Variants in AFF3 observed in about 807,000 individuals in gnomAD.
AFF3 encodes the protein AF4/FMR2 family member 3.
A neutral mutation model predicts 129.7 loss-of-function variants in AFF3; 32 were observed. The observed-to-expected ratio is 0.25, with a 90% CI of 0.19 to 0.33. The LOEUF is 0.33. AFF3 is among the 10% of genes least tolerant of loss of function. The pLI, the probability that AFF3 is intolerant of heterozygous loss-of-function variation, is 1.00. For missense variants in AFF3, 1,373 were observed against 1,592.0 expected, an observed-to-expected ratio of 0.86 and a Z score of 2.34; for synonymous variants, 644 against 635.4, an observed-to-expected ratio of 1.01 and a Z score of -0.20.
chr2:99,670,575 G>A (rs1207642315), intron 12 of AFF3, among the ~76,000 whole-genome samples: 1 of 151,932 alleles, frequency 6.6e-6, no homozygotes, highest in Non-Finnish European at 1.5e-5. Flanking sequence ...CGGCTATGCT[G>A]CTTCCGGGAT....
intron 7 of AFF3, among the ~76,000 whole-genome samples, chr2:99,902,810 A>G (rs1021152537): frequency 6.6e-6 from 1 of 152,194 alleles, no homozygotes; most frequent in African/African-American, 2.4e-5. Flanking sequence ...ATCCTACATA[A>G]TGCAAACACT....
intron 7 of AFF3, among the ~76,000 whole-genome samples, chr2:99,984,700 AC>A (rs1181744867): frequency 4.6e-5 from 7 of 151,660 alleles, no homozygotes; most frequent in African/African-American, 1.7e-4. Flanking sequence ...CAACCCCCCA[AC>A]CCCATCACAA....
At chr2:99,661,267 G>A (rs1686203458) in intron 12 of AFF3, among the ~76,000 whole-genome samples, 1 of 152,214 alleles carries the variant, frequency 6.6e-6, no homozygotes, top group Non-Finnish European at 1.5e-5. Flanking sequence ...CTGTGTTTGA[G>A]AAAAGCGTGC....
intron 4 of AFF3, among the ~76,000 whole-genome samples, chr2:100,066,794 G>C (rs1687757030): frequency 6.6e-6 from 1 of 152,146 alleles, no homozygotes; most frequent in Non-Finnish European, 1.5e-5. Context: ...CATTCAAAAG[G>C]AGAACCGAAC....
At chr2:99,866,192 A>G (rs1370775238) in intron 7 of AFF3, among the ~76,000 whole-genome samples, 1 of 152,230 alleles carries the variant, frequency 6.6e-6, no homozygotes, top group Non-Finnish European at 1.5e-5. Flanking sequence ...GAGTTACACT[A>G]TGTACCTCTC....
At chr2:100,132,381 A>G (rs750203593) in intron 1 of AFF3, among the ~76,000 whole-genome samples, 1 of 152,234 alleles carries the variant, frequency 6.6e-6, no homozygotes, top group Non-Finnish European at 1.5e-5. Flanking sequence ...ATTTTTGTCA[A>G]TCAGAAAATA....
intron 17 of AFF3, among the ~76,000 whole-genome samples, chr2:99,580,462 C>A (rs754467170): frequency 6.6e-6 from 1 of 152,100 alleles, no homozygotes; most frequent in Admixed American, 6.6e-5. Flanking sequence ...TGACAATGCC[C>A]GGAGACATTT....
intron 8 of AFF3, among the ~76,000 whole-genome samples, chr2:99,779,283 T>A (rs1684203221): frequency 1.3e-5 from 2 of 152,214 alleles, no homozygotes; most frequent in South Asian, 4.1e-4. Context: ...TCTATTGAGA[T>A]GGCCATGTGG....
chr2:100,072,584 C>T (rs1281471288), intron 4 of AFF3, among the ~76,000 whole-genome samples: 1 of 152,162 alleles, frequency 6.6e-6, no homozygotes, highest in African/African-American at 2.4e-5. Flanking sequence ...GCCTGTCCTA[C>T]TGGTAAAGCC....
Position 99,690,212 on chromosome 2 carries a change from G to A in AFF3, c.1092-17623C>T, listed in dbSNP as rs188523214. Among the ~76,000 whole-genome samples the A allele has an allele frequency of 9.7e-4, 135 of 139,858 alleles. No homozygotes were observed. In the South Asian group the frequency reaches 0.011, roughly 11 times the overall value. 91.8% of individuals were successfully genotyped at this position (139,858 alleles called of 152,430 possible). A position where few individuals can be genotyped will look rare whatever the true frequency, so the allele number is the denominator to read the frequency against. On this transcript the variant is annotated intron_variant, in intron 11 of 24. Coordinates refer to ENST00000672756, the MANE Select transcript of AFF3 (RefSeq NM_001386135.1). ...TATTATTATTATTTGAGACAGTCTC[G>A]CTCTGTCGCCCAGGCTGGAGTGCAG...
At chr2:99,760,276 T>G (rs548873794) in intron 8 of AFF3, among the ~76,000 whole-genome samples, 1 of 152,350 alleles carries the variant, frequency 6.6e-6, no homozygotes, top group South Asian at 2.1e-4. Context: ...GGATTATTAA[T>G]GCAAACTATG....
At chr2:99,813,474 A>G (rs975210178) in intron 8 of AFF3, among the ~76,000 whole-genome samples, 14 of 152,218 alleles carry the variant, frequency 9.2e-5, no homozygotes, top group Non-Finnish European at 1.9e-4. Flanking sequence ...GGCTGATCCT[A>G]CTGAAGTTAT....
intron 8 of AFF3, among the ~76,000 whole-genome samples, chr2:99,791,653 G>A (rs1685195376): frequency 6.6e-6 from 1 of 152,116 alleles, no homozygotes; most frequent in Non-Finnish European, 1.5e-5. Context: ...CATACTCACA[G>A]TGCTTTCCTG....
chr2:99,632,987 C>T (rs149448363), intron 13 of AFF3, among the ~76,000 whole-genome samples: 8 of 152,248 alleles, frequency 5.3e-5, no homozygotes, highest in African/African-American at 1.4e-4. Context: ...CTTTATCACT[C>T]GTCAAGGCCA....
chr2:99,693,655 G>A (rs960275831), intron 11 of AFF3, among the ~76,000 whole-genome samples: 2 of 151,928 alleles, frequency 1.3e-5, no homozygotes, highest in Admixed American at 6.6e-5. Flanking sequence ...CATGCTCCCA[G>A]GCATGATTCT....
At position 100,052,905 on chromosome 2, in the gene AFF3, T is replaced by C. The variant is rs189329535; in HGVS notation, c.54-43973A>G. 1.1e-3 allele frequency among the ~76,000 whole-genome samples: 168 copies of C among 152,304 alleles called. 4 individuals are homozygous for C. Among genetic ancestry groups the C allele is most frequent in the Admixed American group, 1.0e-2 (153 of 15,306 alleles). On this transcript the variant is annotated intron_variant, in intron 4 of 24. Transcript: ENST00000672756. ...ACATGTGAGGCTCTTATCAGTGATT[T>C]TGTTTAACACACTTGTAATAATTAG...
chr2:100,019,288 A>T (rs1197600426), intron 4 of AFF3, among the ~76,000 whole-genome samples: 1 of 152,222 alleles, frequency 6.6e-6, no homozygotes, highest in Non-Finnish European at 1.5e-5. Flanking sequence ...GGGGTTTCTG[A>T]AAAGGACTAA....
chr2:99,947,716 G>A (rs1439295018), intron 7 of AFF3, among the ~76,000 whole-genome samples: 1 of 152,098 alleles, frequency 6.6e-6, no homozygotes, highest in Admixed American at 6.5e-5. Flanking sequence ...TACATTACAG[G>A]AAGTGGAGGT....
chr2:99,989,515 A>G (rs922746065), intron 7 of AFF3, among the ~76,000 whole-genome samples: 1 of 152,260 alleles, frequency 6.6e-6, no homozygotes, highest in African/African-American at 2.4e-5. Context: ...ATTTGTCATC[A>G]GTATATAGTA....
Sources: gnomAD v4.1 joint callset for allele counts (sites outside exome capture counted in the v4.1 genomes callset) on GRCh38, gnomAD v4.1.1 for gene constraint, MANE v1.5 for transcripts, NCBI Gene and HGNC (gene_info 2026-07-23, HGNC 2026-07-21) for gene names.